KCNQ3: variants seen among roughly 807,000 people sequenced by gnomAD.
KCNQ3 encodes potassium voltage-gated channel subfamily Q member 3, also known as potassium voltage-gated channel subfamily KQT member 3.
A neutral mutation model predicts 92.5 loss-of-function variants in KCNQ3; 30 were observed. That is an observed-to-expected ratio of 0.32 (90% confidence interval 0.24 to 0.44). KCNQ3 has a LOEUF of 0.44. Among genes scored for constraint, KCNQ3 ranks in the 20% least tolerant of loss-of-function variants. KCNQ3 has a pLI of 1.00. For missense variants in KCNQ3, 913 were observed against 1,140.3 expected, an observed-to-expected ratio of 0.80 and a Z score of 2.87; for synonymous variants, 450 against 468.8, an observed-to-expected ratio of 0.96 and a Z score of 0.52.
intron 9 of KCNQ3, among the ~76,000 whole-genome samples, chr8:132,150,073 CTT>C (rs3048520): frequency 0.52 from 76,255 of 147,400 alleles, 19,481 homozygotes; most frequent in Non-Finnish European, 0.54. Flanking sequence ...TTAAACAAAG[CTT>C]TTTTTTTTTT....
At chr8:132,140,407 A>G in intron 10 of KCNQ3, 1 of 517,862 alleles carries the variant, frequency 1.9e-6, no homozygotes, top group Non-Finnish European at 3.4e-6. Context: ...GCAGCTCATG[A>G]CTGGTAGTGA....
intron 1 of KCNQ3, among the ~76,000 whole-genome samples, chr8:132,355,722 G>C (rs1386575399): frequency 6.6e-6 from 1 of 152,166 alleles, no homozygotes; most frequent in Non-Finnish European, 1.5e-5. Flanking sequence ...CCCATCACAT[G>C]GTCTGCTGAC....
chr8:132,426,101 A>G (rs1023693821), intron 1 of KCNQ3, among the ~76,000 whole-genome samples: 1 of 152,268 alleles, frequency 6.6e-6, no homozygotes, highest in African/African-American at 2.4e-5. Flanking sequence ...CGGGTGGGAA[A>G]GATCACAGGC....
intron 4 of KCNQ3, among the ~76,000 whole-genome samples, chr8:132,177,182 G>C (rs1826586959): frequency 6.6e-6 from 1 of 152,202 alleles, no homozygotes; most frequent in African/African-American, 2.4e-5. Context: ...GTTTCTGTGT[G>C]CACATAAAAA....
chr8:132,272,076 T>C (rs1816164926), intron 1 of KCNQ3, among the ~76,000 whole-genome samples: 1 of 152,242 alleles, frequency 6.6e-6, no homozygotes, highest in Non-Finnish European at 1.5e-5. Context: ...ATGTAGACTT[T>C]GCTTCCTCTC....
chr8:132,293,322 C>T (rs184432433), intron 1 of KCNQ3, among the ~76,000 whole-genome samples: 5 of 152,202 alleles, frequency 3.3e-5, no homozygotes, highest in East Asian at 1.9e-4. Flanking sequence ...TAGTGTCTGA[C>T]GGGAGGCAGT....
intron 3 of KCNQ3, among the ~76,000 whole-genome samples, 155 bp downstream of exon 3, chr8:132,184,086 A>T (rs1389902638): frequency 6.6e-6 from 1 of 152,208 alleles, no homozygotes; most frequent in African/African-American, 2.4e-5. Context: ...CAGAAGGTTG[A>T]CACTGTCCCT....
intron 1 of KCNQ3, among the ~76,000 whole-genome samples, chr8:132,340,455 T>C (rs1818493615): frequency 6.6e-6 from 1 of 152,204 alleles, no homozygotes; most frequent in African/African-American, 2.4e-5. Flanking sequence ...GTTCATTTCC[T>C]TCGCAGGGAC....
At chr8:132,305,008 A>G (rs1035775503) in intron 1 of KCNQ3, among the ~76,000 whole-genome samples, 2 of 152,092 alleles carry the variant, frequency 1.3e-5, no homozygotes, top group African/African-American at 4.8e-5. Flanking sequence ...GTTCTTCTGC[A>G]TTTGTTCCCC....
At chr8:132,318,935 C>T (rs182108257) in intron 1 of KCNQ3, among the ~76,000 whole-genome samples, 1 of 152,318 alleles carries the variant, frequency 6.6e-6, no homozygotes, top group East Asian at 1.9e-4. Flanking sequence ...GTGCAGGAAG[C>T]TGCCCAAGGT....
intron 1 of KCNQ3, among the ~76,000 whole-genome samples, chr8:132,433,834 G>A (rs1250751586): frequency 6.6e-6 from 1 of 152,068 alleles, no homozygotes; most frequent in Non-Finnish European, 1.5e-5. Flanking sequence ...AGGTTGCAGT[G>A]AGCCAAGGTC....
chr8:132,239,861 T>C (rs965759434), intron 1 of KCNQ3, among the ~76,000 whole-genome samples: 5 of 152,224 alleles, frequency 3.3e-5, no homozygotes, highest in Admixed American at 2.6e-4. Context: ...CAAGTAGTTG[T>C]GAATATTTAA....
intron 1 of KCNQ3, among the ~76,000 whole-genome samples, chr8:132,266,919 A>G (rs1816000175): frequency 6.6e-6 from 1 of 152,218 alleles, no homozygotes. Context: ...TGAGTTTCAT[A>G]TCTAAAAATT....
chr8:132,261,103 A>G (rs1186242282), intron 1 of KCNQ3, among the ~76,000 whole-genome samples: 2 of 152,160 alleles, frequency 1.3e-5, no homozygotes, highest in Non-Finnish European at 2.9e-5. Flanking sequence ...TTAAGTCCCT[A>G]CTTAGGAGGC....
chr8:132,131,538 T>G (rs2469510), intron 14 of KCNQ3, among the ~76,000 whole-genome samples: 129,429 of 152,106 alleles, frequency 0.85, 55,520 homozygotes, highest in Middle Eastern at 0.92. Flanking sequence ...TTCCTAAGGG[T>G]TCACCATGAA....
chr8:132,402,835 G>A (rs1042338871), intron 1 of KCNQ3, among the ~76,000 whole-genome samples: 14 of 151,832 alleles, frequency 9.2e-5, no homozygotes, highest in African/African-American at 3.1e-4. Context: ...GGCCAACATG[G>A]TGAAACCCCA....
At chr8:132,283,523 C>A (rs1005099365) in intron 1 of KCNQ3, among the ~76,000 whole-genome samples, 2 of 152,184 alleles carry the variant, frequency 1.3e-5, no homozygotes, top group African/African-American at 4.8e-5. Flanking sequence ...GATTCCAGTG[C>A]TGGGTGGAAG....
chr8:132,195,987 C>T (rs1217601025), intron 1 of KCNQ3, among the ~76,000 whole-genome samples: 1 of 152,164 alleles, frequency 6.6e-6, no homozygotes, highest in African/African-American at 2.4e-5. Flanking sequence ...TAAACATGTG[C>T]ATACCTAATA....
intron 1 of KCNQ3, among the ~76,000 whole-genome samples, chr8:132,357,126 G>A (rs2130715425): frequency 6.6e-6 from 1 of 152,300 alleles, no homozygotes; most frequent in East Asian, 1.9e-4. Context: ...TTCTAAATGA[G>A]CCAGAGAATA....
Sources: allele counts gnomAD v4.1 joint callset (sites outside exome capture counted in the v4.1 genomes callset), GRCh38; gene constraint gnomAD v4.1.1; transcripts MANE v1.5; gene names NCBI Gene and HGNC (gene_info 2026-07-23, HGNC 2026-07-21).